Variants in ADAMTS18 observed in about 807,000 individuals in gnomAD.
ADAMTS18 encodes the protein ADAM metallopeptidase with thrombospondin type 1 motif 18, also known as A disintegrin and metalloproteinase with thrombospondin motifs 18.
Under a neutral mutation model 165.9 loss-of-function variants are expected in ADAMTS18, and 157 were observed. The ratio of observed to expected loss-of-function variants is 0.95; its 90% CI spans 0.83 to 1.08. ADAMTS18 has a LOEUF of 1.08. Ranked by LOEUF, ADAMTS18 falls within the 50% of genes least tolerant of loss-of-function variation. The probability of loss-of-function intolerance (pLI) is 0.00; values close to 1 mark genes in which losing one functional copy is unlikely to be tolerated. For missense variants in ADAMTS18, 2,040 were observed against 1,534.0 expected, an observed-to-expected ratio of 1.33 and a Z score of -5.51; for synonymous variants, 782 against 578.2, an observed-to-expected ratio of 1.35 and a Z score of -5.06.
intron 16 of ADAMTS18, among the ~76,000 whole-genome samples, chr16:77,310,570 T>G (rs1173705732): frequency 6.6e-6 from 1 of 152,216 alleles, no homozygotes; most frequent in Admixed American, 6.5e-5. Context: ...AATGCTTGTT[T>G]TTTACATTAT....
At chr16:77,326,755 T>C (rs1280805570) in intron 12 of ADAMTS18, among the ~76,000 whole-genome samples, 1 of 152,256 alleles carries the variant, frequency 6.6e-6, no homozygotes, top group Non-Finnish European at 1.5e-5. Flanking sequence ...GGGGTACATG[T>C]AAAGTTTTGT....
chr16:77,319,985 T>C lies in ADAMTS18; in HGVS notation c.2396A>G (p.Tyr799Cys), dbSNP rs1408250921. 1.9e-5 allele frequency: 30 copies of C among 1,613,978 alleles called. No homozygotes were observed. Among genetic ancestry groups the C allele is most frequent in the Non-Finnish European group, 2.3e-5 (27 of 1,179,988 alleles). ...GTCGATGCTCCAGCCCCCGGTGAGG[T>C]AATACTTTTGACTGAGGCTTCGAAC... ...LAVRSLSQKY[Y>C]LTGGWSIDWP... Residue 799 changes from tyrosine to cysteine, a missense_variant, in exon 16 of 23, where the codon TAC becomes TGC. Tyr to Cys is a radical substitution (Grantham distance 194). Coordinates refer to ENST00000282849, the MANE Select transcript of ADAMTS18 (RefSeq NM_199355.4).
rs922058280 is a variant in ADAMTS18 at position 77,433,037 on chromosome 16, A to G, written c.178+1381T>C. On this transcript the variant is annotated intron_variant, in intron 2 of 22. Coordinates refer to ENST00000282849, the MANE Select transcript of ADAMTS18 (RefSeq NM_199355.4). ...CATATTTTACAATAATGGGGGGAAA[A>G]GTTTTTCCCCTCTCTTAACCTTGAA... is the stretch of plus-strand genomic sequence containing the variant. 3.9e-5 allele frequency among the ~76,000 whole-genome samples: 6 copies of G among 152,074 alleles called. No homozygotes were observed. In the East Asian group the frequency reaches 1.2e-3, roughly 29 times the overall value.
At chr16:77,423,576 T>C (rs1026808147) in intron 3 of ADAMTS18, among the ~76,000 whole-genome samples, 1 of 152,118 alleles carries the variant, frequency 6.6e-6, no homozygotes, top group Non-Finnish European at 1.5e-5. Flanking sequence ...AAATAAAGCA[T>C]AGCCAGGATA....
intron 17 of ADAMTS18, 35 bp downstream of exon 17, chr16:77,300,228 A>T: frequency 6.2e-7 from 1 of 1,613,480 alleles, no homozygotes; most frequent in Non-Finnish European, 8.5e-7. Context: ...TTTAAGAGAG[A>T]CAGACTTTGG....
At chr16:77,401,333 A>T (rs549618225) in intron 3 of ADAMTS18, among the ~76,000 whole-genome samples, 1 of 152,344 alleles carries the variant, frequency 6.6e-6, no homozygotes, top group South Asian at 2.1e-4. Context: ...ATAATCCAAG[A>T]TAATAGCAAA....
chr16:77,326,681 C>A (rs369222871), intron 12 of ADAMTS18, among the ~76,000 whole-genome samples: 1 of 152,144 alleles, frequency 6.6e-6, no homozygotes, highest in South Asian at 2.1e-4. Flanking sequence ...ATGCACCCAG[C>A]CTGAAAGGAT....
intron 10 of ADAMTS18, among the ~76,000 whole-genome samples, chr16:77,352,237 G>C (rs1267091721): frequency 2.0e-5 from 3 of 152,138 alleles, no homozygotes; most frequent in Non-Finnish European, 2.9e-5. Flanking sequence ...GTTATGTTTT[G>C]AATGTGAATT....
At chr16:77,424,959 G>C (rs1342140334) in intron 3 of ADAMTS18, among the ~76,000 whole-genome samples, 6 of 152,168 alleles carry the variant, frequency 3.9e-5, no homozygotes, top group Admixed American at 3.9e-4. Context: ...TTCAACTTCA[G>C]CCCTTTTATG....
At chr16:77,427,985 C>G (rs573613865) in intron 3 of ADAMTS18, among the ~76,000 whole-genome samples, 2 of 152,190 alleles carry the variant, frequency 1.3e-5, no homozygotes, top group Admixed American at 1.3e-4. Context: ...GGGGACTTCT[C>G]TAGCAGACAA....
At chr16:77,426,801 T>C (rs1013666835) in intron 3 of ADAMTS18, among the ~76,000 whole-genome samples, 4 of 152,110 alleles carry the variant, frequency 2.6e-5, no homozygotes, top group African/African-American at 9.7e-5. Context: ...GGCAGGAAGA[T>C]TGCTTGAGCC....
At chr16:77,376,814 T>TTTTTG (rs1232751488) in intron 3 of ADAMTS18, among the ~76,000 whole-genome samples, 3 of 84,322 alleles carry the variant, frequency 3.6e-5, no homozygotes, top group African/African-American at 1.3e-4. Flanking sequence ...TCATTCTTTT[T>TTTTTG]TTTTTTTTTT....
intron 19 of ADAMTS18, among the ~76,000 whole-genome samples, chr16:77,294,058 T>C (rs1207389169): frequency 2.3e-5 from 3 of 128,686 alleles, no homozygotes; most frequent in African/African-American, 7.4e-5. Flanking sequence ...GCATGTAATA[T>C]ACGCTAAAGG....
intron 3 of ADAMTS18, among the ~76,000 whole-genome samples, chr16:77,402,689 T>C (rs1237471205): frequency 1.3e-5 from 2 of 152,234 alleles, no homozygotes; most frequent in African/African-American, 4.8e-5. Flanking sequence ...AGACTAATGA[T>C]AGAAAATACA....
At chr16:77,342,439 G>A (rs2056412499) in intron 10 of ADAMTS18, among the ~76,000 whole-genome samples, 1 of 144,996 alleles carries the variant, frequency 6.9e-6, no homozygotes, top group South Asian at 2.3e-4. Context: ...CATTTTCTAT[G>A]AGTGCTGTTT....
chr16:77,427,901 G>T (rs931240339), intron 3 of ADAMTS18, among the ~76,000 whole-genome samples: 18 of 152,126 alleles, frequency 1.2e-4, no homozygotes, highest in Non-Finnish European at 2.1e-4. Flanking sequence ...ATGTATGCAC[G>T]CATGTCTGCT....
intron 3 of ADAMTS18, among the ~76,000 whole-genome samples, chr16:77,374,257 T>C (rs2144757517): frequency 6.6e-6 from 1 of 151,860 alleles, no homozygotes; most frequent in East Asian, 1.9e-4. Context: ...ATCCCCAGAC[T>C]TTTTTCAGAG....
chr16:77,312,455 C>T (rs2055800746), intron 16 of ADAMTS18, among the ~76,000 whole-genome samples: 1 of 152,084 alleles, frequency 6.6e-6, no homozygotes, highest in South Asian at 2.1e-4. Context: ...CTGGGCTGGT[C>T]TCGAACTCCT....
intron 16 of ADAMTS18, among the ~76,000 whole-genome samples, chr16:77,305,165 A>G (rs1291609226): frequency 2.0e-5 from 3 of 152,184 alleles, no homozygotes; most frequent in African/African-American, 7.2e-5. Flanking sequence ...GTAGCATATT[A>G]TTTGCTTCTC....
Sources: allele counts gnomAD v4.1 joint callset (sites outside exome capture counted in the v4.1 genomes callset), GRCh38; gene constraint gnomAD v4.1.1; transcripts MANE v1.5; gene names NCBI Gene and HGNC (gene_info 2026-07-23, HGNC 2026-07-21).